Variants in PCDHGA2 observed in about 807,000 individuals in gnomAD.
The protein encoded by PCDHGA2 is protocadherin gamma-A2.
A neutral mutation model predicts 59.2 loss-of-function variants in PCDHGA2; 40 were observed. The ratio of observed to expected loss-of-function variants is 0.68; its 90% CI spans 0.52 to 0.88. PCDHGA2 has a LOEUF of 0.88. Among genes scored for constraint, PCDHGA2 ranks in the 40% least tolerant of loss-of-function variants. The pLI, the probability that PCDHGA2 is intolerant of heterozygous loss-of-function variation, is 0.00. For synonymous variants in PCDHGA2, 560 were observed against 526.0 expected (o/e 1.06, Z -0.89); for missense variants, 1,226 against 1,204.0 (o/e 1.02, Z -0.27).
Position 141,491,382 on chromosome 5 carries a change from G to T in PCDHGA2, c.2425-3425G>T, listed in dbSNP as rs918558. 0.21 allele frequency: 331,798 copies of T among 1,613,774 alleles called. 36,318 individuals are homozygous for T. The highest frequency in any genetic ancestry group is 0.37 in the Admixed American group (22,359 of 60,012). ...TAGTCACCTTCACCTTTCTGTCAGC[G>T]AAGTGCCTTCAGGGAAACGCAGACG... is the stretch of plus-strand genomic sequence containing the variant. On this transcript the variant is annotated intron_variant, in intron 1 of 3. Transcript: ENST00000394576. This position sits in a 1 kb window ranked among gnomAD's most constrained non-coding sequence, Gnocchi z 6.9.
At chr5:141,356,841 A>G in intron 1 of PCDHGA2, 5 of 1,614,138 alleles carry the variant, frequency 3.1e-6, no homozygotes, top group Non-Finnish European at 4.2e-6. Flanking sequence ...GCAATGTGTC[A>G]CTGAGCCTCT....
chr5:141,505,317 G>A, intron 2 of PCDHGA2, 76 bp from the exon 3 acceptor site: 1 of 1,603,092 alleles, frequency 6.2e-7, no homozygotes, highest in Non-Finnish European at 8.5e-7. Flanking sequence ...AGGTTTGGGA[G>A]CCCTGGGAGA....
intron 1 of PCDHGA2, among the ~76,000 whole-genome samples, chr5:141,460,753 A>ATATACATATTGCATATGTATG (rs1435827019): frequency 4.6e-5 from 7 of 152,094 alleles, no homozygotes; most frequent in Non-Finnish European, 1.0e-4. Flanking sequence ...ATATGTGTAC[A>ATATACATATTGCATATGTATG]TATACATATT....
At chr5:141,482,457 C>T (rs1279922250) in intron 1 of PCDHGA2, among the ~76,000 whole-genome samples, 3 of 147,484 alleles carry the variant, frequency 2.0e-5, no homozygotes, top group Non-Finnish European at 3.0e-5. Context: ...TATTAGCATC[C>T]CTATGTGCCA....
In PCDHGA2 at chr5:141,376,687, T is replaced by G. The variant is rs1033908230; in HGVS notation, c.2424+35292T>G. On this transcript the variant is annotated intron_variant, in intron 1 of 3. Coordinates refer to ENST00000394576, the MANE Select transcript of PCDHGA2 (RefSeq NM_018915.4). ...CAGGTGAGGGTATCGTTTTTTTTTT[T>G]TTTTTTTTTTGAGACGGAGTCTCGC... The G allele has an allele frequency of 1.3e-4, 108 of 822,468 alleles. 3 individuals are homozygous for G. The highest frequency in any genetic ancestry group is 8.8e-4 in the East Asian group (32 of 36,212). 50.9% of individuals were successfully genotyped at this position (822,468 alleles called of 1,614,324 possible).
At chr5:141,499,880 G>A (rs1177287013) in intron 2 of PCDHGA2, among the ~76,000 whole-genome samples, 1 of 151,886 alleles carries the variant, frequency 6.6e-6, no homozygotes, top group African/African-American at 2.4e-5. Flanking sequence ...TACAAACAGG[G>A]TTTCGCCATG....
At chr5:141,384,956 A>G (rs1305792842) in intron 1 of PCDHGA2, 1 of 1,613,934 alleles carries the variant, frequency 6.2e-7, no homozygotes, top group African/African-American at 1.3e-5. Flanking sequence ...GGTCCTTACA[A>G]CTATGACCTC....
intron 1 of PCDHGA2, chr5:141,357,818 C>T: frequency 1.4e-6 from 1 of 707,928 alleles, no homozygotes. Flanking sequence ...ATTACTTATC[C>T]TTTTTGGTCT....
chr5:141,433,029 T>C (rs2097561523), intron 1 of PCDHGA2: 2 of 1,613,998 alleles, frequency 1.2e-6, no homozygotes, highest in African/African-American at 2.7e-5. Flanking sequence ...TCCCACGAGG[T>C]TTCCCTCACC....
chr5:141,438,754 T>C (rs1213047429), intron 1 of PCDHGA2, among the ~76,000 whole-genome samples: 3 of 148,368 alleles, frequency 2.0e-5, no homozygotes, highest in African/African-American at 5.0e-5. Context: ...CTCTGCCTCC[T>C]GGGTTCAAGC....
intron 1 of PCDHGA2, chr5:141,370,899 C>T (rs1767293695): frequency 1.2e-6 from 2 of 1,614,010 alleles, no homozygotes. Flanking sequence ...TTCGCTGCAG[C>T]AGTACTACCT....
chr5:141,417,701 C>T (rs1382264857), intron 1 of PCDHGA2: 1 of 1,192,516 alleles, frequency 8.4e-7, no homozygotes, highest in Admixed American at 3.0e-5. Flanking sequence ...CCAGCTCCCA[C>T]ACAGAGGCTC....
At position 141,485,240 on chromosome 5, in the gene PCDHGA2, C is replaced by G; in HGVS notation, c.2425-9567C>G. On this transcript the variant is annotated intron_variant, in intron 1 of 3. Coordinates refer to ENST00000394576, the MANE Select transcript of PCDHGA2 (RefSeq NM_018915.4). This position sits in a 1 kb window ranked among gnomAD's most constrained non-coding sequence, Gnocchi z 5.7. The stretch of plus-strand genomic sequence containing the variant: ...GGCTACCCTTTTGTTCCTCTTTTAC[C>G]ACCTGGGTTACGTTTGTGGGCAGAT... The G allele has an allele frequency of 6.2e-7, 1 of 1,614,174 alleles. No individual in the cohort carries two copies. The highest frequency in any genetic ancestry group is 8.5e-7 in the Non-Finnish European group (1 of 1,180,024).
chr5:141,385,288 T>G (rs1781084944), intron 1 of PCDHGA2: 1 of 1,613,250 alleles, frequency 6.2e-7, no homozygotes, highest in Admixed American at 1.7e-5. Context: ...ATCCGTAGAT[T>G]TTCAGGAATG....
chr5:141,414,473 G>C lies in PCDHGA2; in HGVS notation c.2424+73078G>C, dbSNP rs371832510. 50 of 1,613,790 alleles carry C rather than the reference G, an allele frequency of 3.1e-5. No individual in the cohort carries two copies. The highest frequency in any genetic ancestry group is 4.1e-5 in the Non-Finnish European group (48 of 1,179,892). Reference sequence around the variant, plus strand: ...ACAGTGACAGCCACAGATGGGGGAAGTCCTCCTCTATCAACGGAAGCTCAC... The same window carrying C: ...ACAGTGACAGCCACAGATGGGGGAACTCCTCCTCTATCAACGGAAGCTCAC... On this transcript the variant is annotated intron_variant, in intron 1 of 3. Transcript: ENST00000394576.
At chr5:141,369,679 CAT>C (rs1189576308) in intron 1 of PCDHGA2, among the ~76,000 whole-genome samples, 3 of 152,162 alleles carry the variant, frequency 2.0e-5, no homozygotes, top group Middle Eastern at 3.4e-3. Flanking sequence ...GAAAGTGAAA[CAT>C]AGAATAAAAC....
Position 141,511,983 on chromosome 5 carries a change from G to C in PCDHGA2, c.*810G>C, listed in dbSNP as rs904146751. On this transcript the variant is annotated 3_prime_UTR_variant, in exon 4 of 4. Coordinates refer to ENST00000394576, the MANE Select transcript of PCDHGA2 (RefSeq NM_018915.4). ...AGGGAAGTGTGTGGATGTGGATGGT[G>C]GGGGCATGGACAAAGCTTGACACAT... 6.5e-6 allele frequency: 1 copy of C among 153,280 alleles called. No individual in the cohort carries two copies. The allele number at this position is 153,280 out of a possible 1,614,324, so 9.5% of individuals were successfully genotyped here.
intron 1 of PCDHGA2, among the ~76,000 whole-genome samples, chr5:141,449,342 C>T (rs895923034): frequency 3.3e-5 from 5 of 151,854 alleles, no homozygotes; most frequent in Non-Finnish European, 5.9e-5. Context: ...TGCAGTGGCT[C>T]ACTCCTGTAA....
Position 141,485,757 on chromosome 5 carries a change from T to A in PCDHGA2, c.2425-9050T>A. The A allele has an allele frequency of 6.2e-7, 1 of 1,614,174 alleles. No homozygotes were observed. The highest frequency in any genetic ancestry group is 8.5e-7 in the Non-Finnish European group (1 of 1,180,028). The stretch of plus-strand genomic sequence containing the variant: ...GACGGCAGCCTGGTCCCAGAGCTGC[T>A]CCTGGAGAAGCCTTTGGATCGAGAG... On this transcript the variant is annotated intron_variant, in intron 1 of 3. Transcript: ENST00000394576. The surrounding 1 kb of genome is among the most constrained non-coding windows in gnomAD (Gnocchi z 5.7).
Sources: allele counts gnomAD v4.1 joint callset (sites outside exome capture counted in the v4.1 genomes callset), GRCh38; gene constraint gnomAD v4.1.1; non-coding constraint Gnocchi (gnomAD v3.1); transcripts MANE v1.5; gene names NCBI Gene and HGNC (gene_info 2026-07-23, HGNC 2026-07-21).